Variants in SLC13A1 observed in about 807,000 individuals in gnomAD.
The protein encoded by SLC13A1 is Na(+)/sulfate cotransporter.
SLC13A1 carries 65 observed loss-of-function variants against 70.0 expected under a neutral mutation model. The observed-to-expected ratio is 0.93, with a 90% CI of 0.76 to 1.14. The LOEUF (loss-of-function observed/expected upper bound fraction) is 1.14. Among genes scored for constraint, SLC13A1 ranks in the 50% most tolerant of loss-of-function variants. The pLI is 0.00. For missense variants in SLC13A1, 726 were observed against 717.8 expected, an observed-to-expected ratio of 1.01 and a Z score of -0.13; for synonymous variants, 275 against 250.5, an observed-to-expected ratio of 1.10 and a Z score of -0.92.
chr7:123,167,079 C>T (rs1322571251), intron 6 of SLC13A1, among the ~76,000 whole-genome samples: 8 of 152,166 alleles, frequency 5.3e-5, no homozygotes, highest in Non-Finnish European at 1.0e-4. Context: ...ATTAGGAACA[C>T]TTTTACACTG....
At chr7:123,179,920 C>A (rs1441215287) in intron 2 of SLC13A1, among the ~76,000 whole-genome samples, 3 of 151,874 alleles carry the variant, frequency 2.0e-5, no homozygotes, top group African/African-American at 7.3e-5. Context: ...TTTTTTATTC[C>A]CGATATTGAA....
chr7:123,119,107 G>A lies in SLC13A1; in HGVS notation c.1486C>T (p.Leu496Phe), dbSNP rs749863005. 3.7e-6 allele frequency: 6 copies of A among 1,612,452 alleles called. No individual in the cohort carries two copies. Among genetic ancestry groups the A allele is most frequent in the African/African-American group, 1.3e-5 (1 of 74,814 alleles). ...EVASNPATIT[L>F]FLPILSPLAE... Reference sequence around the variant, plus strand: ...AATGGAGATAATATTGGGAGAAAGAGTGTAATGGTAGCTGGATTGCTGGCT... The same window carrying A: ...AATGGAGATAATATTGGGAGAAAGAATGTAATGGTAGCTGGATTGCTGGCT... Residue 496 changes from leucine (L) to phenylalanine (F), a missense_variant, in exon 13 of 15, where the codon CTC becomes TTC. Leu to Phe is a conservative substitution (Grantham distance 22). Coordinates refer to ENST00000194130, the MANE Select transcript of SLC13A1 (RefSeq NM_022444.4).
chr7:123,156,083 T>A (rs1462274074), intron 6 of SLC13A1, among the ~76,000 whole-genome samples: 1 of 152,158 alleles, frequency 6.6e-6, no homozygotes, highest in Non-Finnish European at 1.5e-5. Flanking sequence ...TTCAGCATTT[T>A]AAAAATGTTG....
intron 1 of SLC13A1, 117 bp downstream of exon 1, chr7:123,199,731 T>G (rs1199649007): frequency 1.4e-6 from 1 of 693,662 alleles, no homozygotes; most frequent in African/African-American, 1.8e-5. Flanking sequence ...TGACTTTAGG[T>G]ATGAAGGGTC....
intron 6 of SLC13A1, chr7:123,148,681 A>G (rs1305812181): frequency 7.2e-6 from 2 of 276,248 alleles, no homozygotes; most frequent in African/African-American, 4.6e-5. Context: ...CAGTAGTTAA[A>G]CAGTGCCCTA....
intron 1 of SLC13A1, among the ~76,000 whole-genome samples, chr7:123,188,798 C>G: frequency 6.6e-6 from 1 of 152,058 alleles, no homozygotes; most frequent in African/African-American, 2.4e-5. Flanking sequence ...TTTCTGTTGT[C>G]TCATGTTTTT....
chr7:123,191,425 T>C (rs1380983410), intron 1 of SLC13A1, among the ~76,000 whole-genome samples: 5 of 152,194 alleles, frequency 3.3e-5, no homozygotes, highest in Non-Finnish European at 1.5e-5. Flanking sequence ...GTTTCCACAT[T>C]CATGCCACTT....
At chr7:123,148,202 G>T (rs956401032) in intron 6 of SLC13A1, among the ~76,000 whole-genome samples, 1 of 151,908 alleles carries the variant, frequency 6.6e-6, no homozygotes, top group Admixed American at 6.6e-5. Flanking sequence ...ATTATATTTT[G>T]ATCTCCTGGT....
At chr7:123,176,782 C>G (rs907328232) in intron 2 of SLC13A1, among the ~76,000 whole-genome samples, 1 of 152,158 alleles carries the variant, frequency 6.6e-6, no homozygotes, top group Non-Finnish European at 1.5e-5. Context: ...CCCACACCCT[C>G]CTGGTTCTCC....
At chr7:123,144,186 C>A (rs745404337) in intron 7 of SLC13A1, among the ~76,000 whole-genome samples, 13 of 151,904 alleles carry the variant, frequency 8.6e-5, no homozygotes, top group African/African-American at 2.4e-5. Flanking sequence ...TTGAAGTGGT[C>A]ATGTTGGAAT....
At chr7:123,178,017 T>TTCTC (rs146835273) in intron 2 of SLC13A1, among the ~76,000 whole-genome samples, 143 of 149,024 alleles carry the variant, frequency 9.6e-4, no homozygotes, top group South Asian at 6.8e-3. Context: ...ATCTCTCTCT[T>TTCTC]TCTCTCTCTC....
intron 6 of SLC13A1, among the ~76,000 whole-genome samples, chr7:123,166,134 C>T (rs1338899106): frequency 6.6e-6 from 1 of 152,082 alleles, no homozygotes; most frequent in African/African-American, 2.4e-5. Context: ...TTATGTCAGA[C>T]ATATTTTTAT....
At chr7:123,182,576 G>T (rs1202362018) in intron 1 of SLC13A1, among the ~76,000 whole-genome samples, 1 of 152,048 alleles carries the variant, frequency 6.6e-6, no homozygotes, top group African/African-American at 2.4e-5. Flanking sequence ...TACAGGTCTA[G>T]CCACCCTGAC....
rs1025130691 is a variant in SLC13A1, at chr7:123,191,776, A to G, written c.99+8072T>C. Among the ~76,000 whole-genome samples, 14 of 152,170 alleles carry G rather than the reference A, an allele frequency of 9.2e-5. 1 individual carries two copies. The highest frequency in any genetic ancestry group is 2.9e-4 in the African/African-American group (12 of 41,458). ...TAATTCCATGCTGAACTAAGGTTCA[A>G]CGATCACACTGCTAGCGTGTGGTAG... On this transcript the variant is annotated intron_variant, in intron 1 of 14. Transcript: ENST00000194130.
chr7:123,127,446 C>T (rs1049131393), intron 10 of SLC13A1, among the ~76,000 whole-genome samples: 1 of 152,082 alleles, frequency 6.6e-6, no homozygotes, highest in Non-Finnish European at 1.5e-5. Flanking sequence ...GATAAAGACT[C>T]TCCCTGTCTA....
chr7:123,199,890 A>G lies in SLC13A1; in HGVS notation c.57T>C (p.Thr19=). ...VYRRFLFVVF[T]VLVLLPLPIV... ...TGGGCAGAGGTAGTAAAACCAACAC[A>G]GTGAAAACCACGAAGAGAAATCGGC... Residue 19 remains threonine (T), a synonymous_variant, in exon 1 of 15, where the codon ACT becomes ACC. Transcript: ENST00000194130. The G allele has an allele frequency of 6.2e-7, 1 of 1,613,156 alleles. No homozygotes were observed. Among genetic ancestry groups the G allele is most frequent in the Non-Finnish European group, 8.5e-7 (1 of 1,179,386 alleles).
intron 6 of SLC13A1, among the ~76,000 whole-genome samples, chr7:123,150,994 C>T (rs1017009410): frequency 6.6e-6 from 1 of 151,990 alleles, no homozygotes; most frequent in Non-Finnish European, 1.5e-5. Context: ...CAGCCAGGCT[C>T]CTCCATCTAG....
intron 2 of SLC13A1, among the ~76,000 whole-genome samples, chr7:123,176,862 G>T (rs1424138835): frequency 6.6e-6 from 1 of 152,024 alleles, no homozygotes; most frequent in African/African-American, 2.4e-5. Context: ...GCCTCTTACT[G>T]TTATAGCTAT....
intron 6 of SLC13A1, among the ~76,000 whole-genome samples, chr7:123,167,369 T>A (rs912857916): frequency 2.0e-5 from 3 of 152,194 alleles, no homozygotes; most frequent in Non-Finnish European, 4.4e-5. Context: ...CCTTAATATA[T>A]TCTGTAGCTA....
Sources: allele counts gnomAD v4.1 joint callset (sites outside exome capture counted in the v4.1 genomes callset), GRCh38; gene constraint gnomAD v4.1.1; transcripts MANE v1.5; gene names NCBI Gene and HGNC (gene_info 2026-07-23, HGNC 2026-07-21).